Variants in TICRR observed in about 807,000 individuals in gnomAD.
The protein encoded by TICRR is TOPBP1 interacting checkpoint and replication regulator, also known as treslin.
TICRR carries 132 observed loss-of-function variants against 178.1 expected under a neutral mutation model. The ratio of observed to expected loss-of-function variants is 0.74; its 90% CI spans 0.64 to 0.86. TICRR has a LOEUF of 0.86. Ranked by LOEUF, TICRR falls within the 40% of genes least tolerant of loss-of-function variation. TICRR has a pLI of 0.00. For missense variants in TICRR, 2,587 were observed against 2,334.3 expected (o/e 1.11, Z -2.23); for synonymous variants, 991 against 900.7 (o/e 1.10, Z -1.79).
chr15:89,619,876 G>T, intron 18 of TICRR, 34 bp downstream of exon 18: 1 of 1,567,850 alleles, frequency 6.4e-7, no homozygotes, highest in Non-Finnish European at 8.6e-7. Flanking sequence ...TCACAAGTCC[G>T]TGCTGACTTG....
chr15:89,576,109 G>GAGGCCC lies in TICRR; in HGVS notation c.532_537dup (p.Ala178_Gln179dup). ...GCTGCTGCAGTTCGTGTCTGGGTGC[G>GAGGCCC]AGGCCCAGGCCCAGCGCCTGCCGCC... is the stretch of plus-strand genomic sequence containing the variant. On this transcript the variant is annotated inframe_insertion, in exon 1 of 22. Coordinates refer to ENST00000268138, the MANE Select transcript of TICRR (RefSeq NM_152259.4). 6.2e-7 allele frequency: 1 copy of GAGGCCC among 1,611,344 alleles called. No homozygotes were observed. Among genetic ancestry groups the GAGGCCC allele is most frequent in the East Asian group, 2.2e-5 (1 of 44,868 alleles).
rs1176438530 is a variant in TICRR at position 89,627,956 on chromosome 15, T to A, written c.*870T>A. On this transcript the variant is annotated 3_prime_UTR_variant, in exon 22 of 22. Transcript: ENST00000268138. ...TCCTATTGTCTTGTAAATCAAACTC[T>A]AAGTGAAAACTTCCCATTTGTCCCT... The A allele has an allele frequency of 6.4e-6, 1 of 155,064 alleles. No individual in the cohort carries two copies. The highest frequency in any genetic ancestry group is 2.4e-5 in the African/African-American group (1 of 41,518). 9.6% of individuals were successfully genotyped at this position (155,064 alleles called of 1,614,324 possible).
intron 1 of TICRR, among the ~76,000 whole-genome samples, chr15:89,579,502 C>A (rs764342846): frequency 6.6e-6 from 1 of 151,980 alleles, no homozygotes; most frequent in Non-Finnish European, 1.5e-5. Context: ...CTTGCCACCA[C>A]GCCTGGCTAA....
chr15:89,601,215 A>G lies in TICRR; in HGVS notation c.2154-83A>G. 3 of 1,219,332 alleles carry G rather than the reference A, an allele frequency of 2.5e-6. No homozygotes were observed. The South Asian group carries it at 4.1e-5, about 17-fold the overall frequency. The allele number at this position is 1,219,332 out of a possible 1,614,324, so 75.5% of individuals were successfully genotyped here. A position where few individuals can be genotyped will look rare whatever the true frequency, so the allele number is the denominator to read the frequency against. On this transcript the variant is annotated intron_variant, in intron 9 of 21. Coordinates refer to ENST00000268138, the MANE Select transcript of TICRR (RefSeq NM_152259.4). ...CTCCTTTTTGGTTGTTGTGTCTTATATAAATAGATCTATGCTTACGGAAGG... is the reference window on the plus strand; with the variant it reads ...CTCCTTTTTGGTTGTTGTGTCTTATGTAAATAGATCTATGCTTACGGAAGG...
chr15:89,594,441 A>C lies in TICRR; in HGVS notation c.1568A>C (p.Lys523Thr). 6.2e-7 allele frequency: 1 copy of C among 1,612,844 alleles called. No individual in the cohort carries two copies. Among genetic ancestry groups the C allele is most frequent in the Non-Finnish European group, 8.5e-7 (1 of 1,179,424 alleles). ...TTACTACAGGCTGCCTCAGCTAATA[A>C]GGAAGAGTCTTCCAAAACTGAAGGC... ...FGLLQAASAN[K>T]EESSKTEGEL... The change falls in exon 6 of 22, where the codon AAG (lysine) becomes ACG (threonine). Residue 523 changes from lysine (K) to threonine (T), a missense_variant. By Grantham distance (78) the Lys-to-Thr change is moderately conservative (BLOSUM62 -1). Transcript: ENST00000268138.
intron 17 of TICRR, among the ~76,000 whole-genome samples, chr15:89,618,514 C>T (rs1963372757): frequency 6.6e-6 from 1 of 152,212 alleles, no homozygotes; most frequent in African/African-American, 2.4e-5. Flanking sequence ...GAGCTTTTCA[C>T]TACATATTTT....
chr15:89,624,794 A>T lies in TICRR; in HGVS notation c.4484A>T (p.Asp1495Val), dbSNP rs754930879. ...GAGGGTGAGGGGCTAAGGACAGCAG[A>T]TGCTGAGAAGTCTTCTCTGTCTCAC... ...VEEGEGLRTA[D>V]AEKSSLSHPG... The change falls in exon 20 of 22, where the codon GAT becomes GTT. Residue 1495 changes from aspartate to valine, a missense_variant. Coordinates refer to ENST00000268138, the MANE Select transcript of TICRR (RefSeq NM_152259.4). The T allele has an allele frequency of 1.2e-6, 2 of 1,614,204 alleles. No individual in the cohort carries two copies. Among genetic ancestry groups the T allele is most frequent in the Non-Finnish European group, 1.7e-6 (2 of 1,180,032 alleles).
At chr15:89,589,923 A>G (rs565843066) in intron 4 of TICRR, among the ~76,000 whole-genome samples, 1 of 152,288 alleles carries the variant, frequency 6.6e-6, no homozygotes, top group African/African-American at 2.4e-5. Context: ...CAAGACCAAC[A>G]TAGCAAGACC....
intron 1 of TICRR, among the ~76,000 whole-genome samples, chr15:89,581,326 C>A (rs1962721273): frequency 6.6e-6 from 1 of 152,160 alleles, no homozygotes; most frequent in Non-Finnish European, 1.5e-5. Flanking sequence ...TACTGTGATG[C>A]CACGTTAAAC....
Position 89,575,766 on chromosome 15 carries a change from C to T in TICRR, c.180C>T (p.Ser60=), listed in dbSNP as rs2141946815. Residue 60 remains serine, a synonymous_variant, in exon 1 of 22, where the codon TCC becomes TCT. Coordinates refer to ENST00000268138, the MANE Select transcript of TICRR (RefSeq NM_152259.4). ...CGCAGGGGGCGCGGAGCCGGCCGTC[C>T]CGCGTGTCTGACTTCCGCGAGCTGG... The part of the protein sequence containing the change: ...FDSQGARSRP[S]RVSDFRELGS... 6.2e-7 allele frequency: 1 copy of T among 1,609,302 alleles called. No individual in the cohort carries two copies. Among genetic ancestry groups the T allele is most frequent in the African/African-American group, 1.3e-5 (1 of 74,978 alleles).
At chr15:89,576,655 C>T (rs768159406) in intron 1 of TICRR, among the ~76,000 whole-genome samples, 1 of 151,990 alleles carries the variant, frequency 6.6e-6, no homozygotes, top group Non-Finnish European at 1.5e-5. Context: ...GTGACAACTG[C>T]TCAGTCCAGC....
intron 7 of TICRR, among the ~76,000 whole-genome samples, chr15:89,598,468 T>C (rs144616079): frequency 0.019 from 2,907 of 152,222 alleles, 99 homozygotes; most frequent in African/African-American, 0.066. Flanking sequence ...GTTCAAGTGA[T>C]TCTCCTGTCT....
At chr15:89,589,045 G>A (rs1486682811) in intron 4 of TICRR, among the ~76,000 whole-genome samples, 2 of 152,116 alleles carry the variant, frequency 1.3e-5, no homozygotes, top group Non-Finnish European at 2.9e-5. Context: ...TTCAGGGCAG[G>A]AGGAGATGGA....
intron 1 of TICRR, among the ~76,000 whole-genome samples, chr15:89,578,783 C>T (rs1962670288): frequency 6.6e-6 from 1 of 152,056 alleles, no homozygotes; most frequent in African/African-American, 2.4e-5. Context: ...CTTACATCGG[C>T]TGTATCCCCT....
chr15:89,606,846 A>C (rs756870519), intron 14 of TICRR, 21 bp downstream of exon 14: 2 of 1,607,304 alleles, frequency 1.2e-6, no homozygotes, highest in South Asian at 1.1e-5. Context: ...TTCTCAGTGT[A>C]TGTATTTATT....
At chr15:89,621,944 A>G (rs1963432243) in intron 19 of TICRR, among the ~76,000 whole-genome samples, 2 of 150,486 alleles carry the variant, frequency 1.3e-5, no homozygotes, top group African/African-American at 2.5e-5. Context: ...GGCATAGCCA[A>G]TCAGTCGAGT....
Position 89,619,726 on chromosome 15 carries a change from G to C in TICRR, c.3038G>C (p.Ser1013Thr). The C allele has an allele frequency of 6.2e-7, 1 of 1,611,644 alleles. No individual in the cohort carries two copies. The highest frequency in any genetic ancestry group is 8.5e-7 in the Non-Finnish European group (1 of 1,179,410). Residue 1013 changes from serine to threonine, a missense_variant, in exon 18 of 22, where the codon AGT (serine) becomes ACT (threonine). Ser to Thr is a moderately conservative substitution (Grantham distance 58, BLOSUM62 1). Transcript: ENST00000268138. ...EKGDEISLRRSPRIKQLSFSR... is the reference protein window; with the variant it reads ...EKGDEISLRRTPRIKQLSFSR... The stretch of plus-strand genomic sequence containing the variant: ...TTTACAGAAATAAGTCTGAGACGAA[G>C]TCCTCGAATCAAGCAGTTGTCATTT...
At chr15:89,623,487 CTA>C in intron 19 of TICRR, 134 bp from the exon 20 acceptor site, 1 of 935,444 alleles carries the variant, frequency 1.1e-6, no homozygotes, top group Middle Eastern at 3.4e-4. Context: ...AAACGGGTCA[CTA>C]TTTGAGATTT....
In TICRR at chr15:89,624,637, C is replaced by T. The variant is rs1963482750; in HGVS notation, c.4327C>T (p.Pro1443Ser). The T allele has an allele frequency of 6.2e-7, 1 of 1,613,914 alleles. No homozygotes were observed. The highest frequency in any genetic ancestry group is 1.1e-5 in the South Asian group (1 of 91,088). ...SPPERRGYPG[P>S]GLRSDWHASS... ...TCCTGAAAGACGGGGCTACCCAGGC[C>T]CTGGTCTCAGGAGTGATTGGCATGC... The change falls in exon 20 of 22, where the codon CCT (proline) becomes TCT (serine). Residue 1443 changes from proline to serine, a missense_variant. Pro to Ser is a moderately conservative substitution (Grantham distance 74, BLOSUM62 -1). Coordinates refer to ENST00000268138, the MANE Select transcript of TICRR (RefSeq NM_152259.4).
Sources: allele counts gnomAD v4.1 joint callset (sites outside exome capture counted in the v4.1 genomes callset), GRCh38; gene constraint gnomAD v4.1.1; transcripts MANE v1.5; gene names NCBI Gene and HGNC (gene_info 2026-07-23, HGNC 2026-07-21).